Variants in GSN observed in about 807,000 individuals in gnomAD.
The protein encoded by GSN is actin-depolymerizing factor.
GSN carries 56 observed loss-of-function variants against 85.7 expected under a neutral mutation model. The ratio of observed to expected loss-of-function variants is 0.65; its 90% CI spans 0.53 to 0.82. GSN has a LOEUF of 0.82. Ranked by LOEUF, GSN falls within the 40% of genes least tolerant of loss-of-function variation. The pLI is 0.00. For synonymous variants in GSN, 373 were observed against 399.1 expected (o/e 0.93, Z 0.78); for missense variants, 857 against 979.8 (o/e 0.87, Z 1.67).
chr9:121,227,910 C>T (rs999474754), intron 4 of GSN, among the ~76,000 whole-genome samples: 26 of 152,286 alleles, frequency 1.7e-4, no homozygotes, highest in African/African-American at 5.8e-4. Flanking sequence ...ATGGATTCAT[C>T]CCAGCTTCAG....
chr9:121,310,335 A>C, intron 4 of GSN: 5 of 342,738 alleles, frequency 1.5e-5, no homozygotes, highest in Non-Finnish European at 1.7e-5. Context: ...TGAGGAAGGA[A>C]TTGTTGCAGT....
chr9:121,257,875 C>T (rs1203532603), intron 6 of GSN, among the ~76,000 whole-genome samples: 1 of 150,892 alleles, frequency 6.6e-6, no homozygotes. Flanking sequence ...TGTCTCAAAA[C>T]AAAACAAAAA....
intron 1 of GSN, among the ~76,000 whole-genome samples, chr9:121,275,470 T>A (rs2056554306): frequency 6.6e-6 from 1 of 152,178 alleles, no homozygotes; most frequent in African/African-American, 2.4e-5. Context: ...ATCCTTCCCA[T>A]TTCATGGACT....
intron 1 of GSN, among the ~76,000 whole-genome samples, chr9:121,273,893 C>T (rs1476734721): frequency 1.3e-5 from 2 of 152,088 alleles, no homozygotes; most frequent in Non-Finnish European, 2.9e-5. Flanking sequence ...CCCAAGATCA[C>T]CCCCAAAGAA....
At chr9:121,241,671 T>C (rs2054608188) in intron 5 of GSN, among the ~76,000 whole-genome samples, 1 of 152,242 alleles carries the variant, frequency 6.6e-6, no homozygotes, top group South Asian at 2.1e-4. Context: ...TCTTCCATGA[T>C]GCCAGATAAA....
intron 6 of GSN, among the ~76,000 whole-genome samples, chr9:121,251,529 T>C (rs2054835970): frequency 6.6e-6 from 1 of 152,048 alleles, no homozygotes; most frequent in South Asian, 2.1e-4. Context: ...CATTTGCAAT[T>C]ATTTTTAAAA....
rs543596402 is a variant in GSN, at chr9:121,217,755, T to A, written c.-528+6888T>A. Among the ~76,000 whole-genome samples, 230 of 150,422 alleles carry A rather than the reference T, an allele frequency of 1.5e-3. 2 individuals are homozygous for A. Among genetic ancestry groups the A allele is most frequent in the African/African-American group, 5.2e-3 (213 of 41,224 alleles). On this transcript the variant is annotated intron_variant, in intron 4 of 24. Transcript: ENST00000373823. ...ACAACAGCCATTTCTTTAAATTTTTTAAATTTAATTAAATTTTTAAATATT... is the reference window on the plus strand; with the variant it reads ...ACAACAGCCATTTCTTTAAATTTTTAAAATTTAATTAAATTTTTAAATATT...
chr9:121,329,532 C>T lies in GSN; in HGVS notation c.1965+217C>T, dbSNP rs1230168671. 6.6e-6 allele frequency among the ~76,000 whole-genome samples: 1 copy of T among 152,206 alleles called. No homozygotes were observed. The highest frequency in any genetic ancestry group is 1.5e-5 in the Non-Finnish European group (1 of 68,038). On this transcript the variant is annotated intron_variant, in intron 16 of 17. Coordinates refer to ENST00000432226, the MANE Select transcript of GSN (RefSeq NM_198252.3). This position sits in a 1 kb window ranked among gnomAD's most constrained non-coding sequence, Gnocchi z 4.6. ...GGTACCTCCCTTGCAGATACACTCA[C>T]CTTGAAAGCTGCAAAACGCCCTATA... is the stretch of plus-strand genomic sequence containing the variant.
chr9:121,232,885 C>G (rs4837817), intron 5 of GSN, among the ~76,000 whole-genome samples: 133,753 of 152,200 alleles, frequency 0.88, 58,916 homozygotes, highest in East Asian at 0.99. Flanking sequence ...CAAAGTGGCT[C>G]GATGGCACTC....
At chr9:121,227,946 C>T (rs144365747) in intron 4 of GSN, among the ~76,000 whole-genome samples, 133 of 152,224 alleles carry the variant, frequency 8.7e-4, no homozygotes, top group South Asian at 4.6e-3. Flanking sequence ...GCCAGGAATG[C>T]ACTACTTCTG....
upstream of GSN, among the ~76,000 whole-genome samples, chr9:121,264,980 G>T (rs557111612): frequency 1.3e-5 from 2 of 152,336 alleles, no homozygotes; most frequent in African/African-American, 4.8e-5. Flanking sequence ...GATGAAAGAT[G>T]GGGGAGAGAG....
chr9:121,229,253 C>T (rs939326702), intron 4 of GSN, among the ~76,000 whole-genome samples: 8 of 152,122 alleles, frequency 5.3e-5, no homozygotes, highest in African/African-American at 1.7e-4. Context: ...GACAGTCTTG[C>T]GCTGTCGCCC....
chr9:121,208,729 G>C (rs1365473821), intron 1 of GSN, among the ~76,000 whole-genome samples: 2 of 152,250 alleles, frequency 1.3e-5, no homozygotes, highest in Non-Finnish European at 2.9e-5. Flanking sequence ...AAGGGATGCA[G>C]AGAAATTTAG....
At chr9:121,208,256 T>G (rs1414108429) in intron 1 of GSN, among the ~76,000 whole-genome samples, 2 of 152,204 alleles carry the variant, frequency 1.3e-5, no homozygotes, top group Non-Finnish European at 2.9e-5. Flanking sequence ...GGTCCTTCTC[T>G]TCTCTCCTAC....
Position 121,282,523 on chromosome 9 carries a change from G to A in GSN, c.-10+961G>A, listed in dbSNP as rs541009888. On this transcript the variant is annotated intron_variant, in intron 2 of 17. Coordinates refer to ENST00000432226, the MANE Select transcript of GSN (RefSeq NM_198252.3). The stretch of plus-strand genomic sequence containing the variant: ...ATGGTGACATGAGCCACCCACAGCC[G>A]GAGCTGTTCCTCTTTCCCAAAGCTC... The A allele has an allele frequency of 8.5e-5, 106 of 1,253,866 alleles. No individual in the cohort carries two copies. The South Asian group carries it at 2.7e-3, about 32-fold the overall frequency. 77.7% of individuals were successfully genotyped at this position (1,253,866 alleles called of 1,614,324 possible).
At chr9:121,249,431 C>G (rs764646866) in intron 6 of GSN, among the ~76,000 whole-genome samples, 1 of 152,108 alleles carries the variant, frequency 6.6e-6, no homozygotes, top group Non-Finnish European at 1.5e-5. Context: ...GAGCCATGAT[C>G]GTGCCACTGC....
Position 121,308,021 on chromosome 9 carries a change from C to T in GSN, c.352-2663C>T, listed in dbSNP as rs569275093. On this transcript the variant is annotated intron_variant, in intron 4 of 17. Transcript: ENST00000432226. ...AGTCCCTCACCCCAGAGTCCCAACTCACTCCTTCCTGATGATGGAAAAATT... is the reference window on the plus strand; with the variant it reads ...AGTCCCTCACCCCAGAGTCCCAACTTACTCCTTCCTGATGATGGAAAAATT... Among the ~76,000 whole-genome samples the T allele has an allele frequency of 6.6e-5, 10 of 152,376 alleles. No homozygotes were observed. In the East Asian group the frequency reaches 1.9e-3, roughly 29 times the overall value.
chr9:121,331,145 A>T (rs935016164), intron 16 of GSN, among the ~76,000 whole-genome samples: 1 of 152,198 alleles, frequency 6.6e-6, no homozygotes, highest in African/African-American at 2.4e-5. Flanking sequence ...CTAGATTTTT[A>T]TGTCATAACG....
chr9:121,222,896 G>T (rs537868083), intron 4 of GSN: 4 of 146,858 alleles, frequency 2.7e-5, no homozygotes, highest in East Asian at 3.9e-4. Flanking sequence ...CTTGGACTTG[G>T]GGGGGGGTCT....
Sources: gnomAD v4.1 joint callset for allele counts (sites outside exome capture counted in the v4.1 genomes callset) on GRCh38, gnomAD v4.1.1 for gene constraint, Gnocchi (gnomAD v3.1) non-coding constraint, MANE v1.5 for transcripts, NCBI Gene and HGNC (gene_info 2026-07-23, HGNC 2026-07-21) for gene names.